SHLD2: variants seen among roughly 807,000 people sequenced by gnomAD.
SHLD2 encodes the protein RINN1-REV7-interacting novel NHEJ regulator 2.
A neutral mutation model predicts 73.2 loss-of-function variants in SHLD2; 30 were observed. That is an observed-to-expected ratio of 0.41 (90% CI 0.31 to 0.56). The LOEUF is 0.56. Among genes scored for constraint, SHLD2 ranks in the 20% least tolerant of loss-of-function variants. The probability of loss-of-function intolerance (pLI) is 0.28; values close to 1 mark genes in which losing one functional copy is unlikely to be tolerated. For synonymous variants in SHLD2, 285 were observed against 370.1 expected (o/e 0.77, Z 2.64); for missense variants, 745 against 1,055.9 (o/e 0.71, Z 4.08).
intron 2 of SHLD2, among the ~76,000 whole-genome samples, chr10:87,130,772 T>C (rs537048015): frequency 2.0e-5 from 3 of 152,258 alleles, no homozygotes; most frequent in African/African-American, 7.2e-5. Context: ...GTTTATGCCT[T>C]AAAAATACCT....
intron 2 of SHLD2, among the ~76,000 whole-genome samples, chr10:87,137,406 G>T (rs947695738): frequency 6.7e-6 from 1 of 149,032 alleles, no homozygotes; most frequent in African/African-American, 2.4e-5. Context: ...GGAGGGGAGG[G>T]AAGGGAGAAA....
At position 87,151,896 on chromosome 10, in the gene SHLD2, T is replaced by C; in HGVS notation, c.542T>C (p.Val181Ala). The C allele has an allele frequency of 2.5e-6, 4 of 1,611,428 alleles. No individual in the cohort carries two copies. The highest frequency in any genetic ancestry group is 3.4e-6 in the Non-Finnish European group (4 of 1,179,542). The change falls in exon 3 of 10, where the codon GTT (valine) becomes GCT (alanine). Residue 181 changes from valine (V) to alanine (A), a missense_variant. By Grantham distance (64) the Val-to-Ala change is moderately conservative. Coordinates refer to ENST00000298786, the MANE Select transcript of SHLD2 (RefSeq NM_001330112.2). Reference protein sequence around the residue: ...GHKCAAVLDLVCSTEKINIGP... With the variant: ...GHKCAAVLDLACSTEKINIGP... The stretch of plus-strand genomic sequence containing the variant: ...AAATGTGCAGCTGTGTTGGATTTGG[T>C]TTGTAGTACTGAAAAAATTAATATA...
chr10:87,184,424 A>G (rs1481505952), intron 8 of SHLD2, among the ~76,000 whole-genome samples: 3 of 151,724 alleles, frequency 2.0e-5, no homozygotes, highest in South Asian at 2.1e-4. Context: ...CTGAACCTCA[A>G]TTACTGTGAA....
rs1178507966 is a variant in SHLD2 at position 87,144,937 on chromosome 10, C to CT, written c.-5-6392dup. 5.8e-3 allele frequency among the ~76,000 whole-genome samples: 421 copies of CT among 72,006 alleles called. 9 individuals are homozygous for CT. Among genetic ancestry groups the CT allele is most frequent in the South Asian group, 0.027 (54 of 2,022 alleles). The allele number at this position is 72,006 out of a possible 152,430, so 47.2% of individuals were successfully genotyped here. On this transcript the variant is annotated intron_variant, in intron 2 of 9. Transcript: ENST00000298786. ...GAGCCACTGCTCCCGGCCTGTAATT[C>CT]TTTTTTTTTTTTTTTTTTTTTGAGA...
chr10:87,125,383 C>A (rs61858896), intron 2 of SHLD2, among the ~76,000 whole-genome samples: 2 of 152,116 alleles, frequency 1.3e-5, no homozygotes, highest in African/African-American at 2.4e-5. Flanking sequence ...TTTAAGATAT[C>A]AGTATCATTG....
intron 2 of SHLD2, among the ~76,000 whole-genome samples, chr10:87,111,969 A>G (rs1348937917): frequency 4.0e-5 from 6 of 151,662 alleles, no homozygotes; most frequent in South Asian, 2.1e-4. Context: ...CAGGTGCGGT[A>G]GCTCACGCCT....
chr10:87,185,987 G>A (rs1030060337), intron 8 of SHLD2, among the ~76,000 whole-genome samples: 59 of 152,200 alleles, frequency 3.9e-4, no homozygotes, highest in African/African-American at 1.3e-3. Context: ...GGGATTACAG[G>A]CATGAGCCAC....
intron 2 of SHLD2, among the ~76,000 whole-genome samples, chr10:87,148,563 G>C (rs922023683): frequency 1.1e-3 from 162 of 142,462 alleles, no homozygotes; most frequent in Non-Finnish European, 2.1e-3. Flanking sequence ...GTTTGTGGGG[G>C]GGCGGGGGTT....
rs193293286 is a variant in SHLD2, at chr10:87,097,687, G to A, written c.-6+698G>A. 5.6e-3 allele frequency among the ~76,000 whole-genome samples: 849 copies of A among 152,266 alleles called. 13 individuals carry two copies. The highest frequency in any genetic ancestry group is 0.02 in the African/African-American group (811 of 41,564). On this transcript the variant is annotated intron_variant, in intron 2 of 9. Coordinates refer to ENST00000298786, the MANE Select transcript of SHLD2 (RefSeq NM_001330112.2). ...TTTTTTAATTGAGAATCTCCTGTGTGTAGGTGCCTTACAAACTGGCTTCAT... is the reference window on the plus strand; with the variant it reads ...TTTTTTAATTGAGAATCTCCTGTGTATAGGTGCCTTACAAACTGGCTTCAT...
chr10:87,184,341 A>C (rs1848484955), intron 8 of SHLD2, among the ~76,000 whole-genome samples: 1 of 151,888 alleles, frequency 6.6e-6, no homozygotes, highest in Non-Finnish European at 1.5e-5. Context: ...CATTTTTCTC[A>C]GGACAGTTTC....
intron 9 of SHLD2, among the ~76,000 whole-genome samples, chr10:87,189,276 C>T (rs965039414): frequency 1.3e-5 from 2 of 152,260 alleles, no homozygotes; most frequent in Non-Finnish European, 2.9e-5. Context: ...GCTGGGATTA[C>T]AGGCGTGAGC....
At chr10:87,147,056 CAA>C (rs1237507855) in intron 2 of SHLD2, among the ~76,000 whole-genome samples, 4 of 43,760 alleles carry the variant, frequency 9.1e-5, no homozygotes, top group Admixed American at 2.2e-4. Context: ...GACTCTGTCT[CAA>C]AAAAAAAAAA....
chr10:87,126,969 A>G (rs1844053527), intron 2 of SHLD2, among the ~76,000 whole-genome samples: 1 of 152,250 alleles, frequency 6.6e-6, no homozygotes, highest in South Asian at 2.1e-4. Context: ...AGAACAAAGT[A>G]TTACACAATT....
chr10:87,169,731 T>C (rs918713967), intron 4 of SHLD2, among the ~76,000 whole-genome samples: 5 of 151,696 alleles, frequency 3.3e-5, no homozygotes, highest in African/African-American at 1.2e-4. Flanking sequence ...TATATGCATG[T>C]TATTGTACAG....
intron 2 of SHLD2, among the ~76,000 whole-genome samples, chr10:87,111,455 A>G (rs904013090): frequency 1.3e-5 from 2 of 151,810 alleles, no homozygotes; most frequent in African/African-American, 2.4e-5. Context: ...AGTCTGGCCA[A>G]CATGGTGAAA....
rs939076228 is a variant in SHLD2, at chr10:87,191,136, A to G, written c.*453A>G. 1 of 183,328 alleles carries G rather than the reference A, an allele frequency of 5.5e-6. No individual in the cohort carries two copies. The highest frequency in any genetic ancestry group is 1.2e-5 in the Non-Finnish European group (1 of 86,942). 11.4% of individuals were successfully genotyped at this position (183,328 alleles called of 1,614,324 possible). ...AACTATAATGATAATGGATTAGTTTATATAAACCTATGTTTAGACAAGTTC... is the reference window on the plus strand; with the variant it reads ...AACTATAATGATAATGGATTAGTTTGTATAAACCTATGTTTAGACAAGTTC... On this transcript the variant is annotated 3_prime_UTR_variant, in exon 10 of 10. Transcript: ENST00000298786.
At chr10:87,154,191 C>T (rs1018817569) in intron 3 of SHLD2, 1 of 151,322 alleles carries the variant, frequency 6.6e-6, no homozygotes, top group African/African-American at 2.4e-5. Flanking sequence ...CAACCTGGAC[C>T]AGTTCACCCC....
At chr10:87,140,955 A>G (rs1014877856) in intron 2 of SHLD2, among the ~76,000 whole-genome samples, 3 of 151,990 alleles carry the variant, frequency 2.0e-5, no homozygotes, top group Non-Finnish European at 4.4e-5. Context: ...GTGATAAAGC[A>G]TGACGGGAGA....
chr10:87,111,640 CA>C (rs972282870), intron 2 of SHLD2, among the ~76,000 whole-genome samples: 194 of 66,882 alleles, frequency 2.9e-3, no homozygotes, highest in East Asian at 6.5e-3. Context: ...GAGTCTGTCT[CA>C]AAAAAAAAAA....
Sources: gnomAD v4.1 joint callset for allele counts (sites outside exome capture counted in the v4.1 genomes callset) on GRCh38, gnomAD v4.1.1 for gene constraint, MANE v1.5 for transcripts, NCBI Gene and HGNC (gene_info 2026-07-23, HGNC 2026-07-21) for gene names.